Variants in CNTN5 observed in about 807,000 individuals in gnomAD.
CNTN5 encodes contactin 5, also known as contactin-5.
CNTN5 carries 77 observed loss-of-function variants against 129.1 expected under a neutral mutation model. The observed-to-expected ratio is 0.60, with a 90% CI of 0.50 to 0.72. The LOEUF is 0.72. Among genes scored for constraint, CNTN5 ranks in the 30% least tolerant of loss-of-function variants. The probability of loss-of-function intolerance (pLI) is 0.00; values close to 1 mark genes in which losing one functional copy is unlikely to be tolerated. For missense variants in CNTN5, 1,478 were observed against 1,328.8 expected (o/e 1.11, Z -1.75); for synonymous variants, 509 against 465.6 (o/e 1.09, Z -1.20).
chr11:99,876,495 A>G (rs1948636555), intron 6 of CNTN5, among the ~76,000 whole-genome samples: 1 of 152,086 alleles, frequency 6.6e-6, no homozygotes, highest in Admixed American at 6.5e-5. Flanking sequence ...CAGCCGCACT[A>G]TATGTACCTG....
chr11:99,750,740 T>C (rs1283487330), intron 3 of CNTN5, among the ~76,000 whole-genome samples: 4 of 152,320 alleles, frequency 2.6e-5, no homozygotes, highest in South Asian at 2.1e-4. Flanking sequence ...TTTATACTTA[T>C]CACACGAACA....
At chr11:99,249,611 AG>A (rs1268307686) in intron 1 of CNTN5, among the ~76,000 whole-genome samples, 2 of 152,066 alleles carry the variant, frequency 1.3e-5, no homozygotes, top group African/African-American at 2.4e-5. Flanking sequence ...GTTTTTAAAA[AG>A]GGTATGTTAT....
intron 1 of CNTN5, among the ~76,000 whole-genome samples, chr11:99,260,961 G>A (rs1183554885): frequency 6.6e-6 from 1 of 151,836 alleles, no homozygotes; most frequent in African/African-American, 2.4e-5. Flanking sequence ...GTATTGCATA[G>A]CTACTTGGAG....
At chr11:100,141,780 C>T (rs1005579796) in intron 13 of CNTN5, among the ~76,000 whole-genome samples, 3 of 151,992 alleles carry the variant, frequency 2.0e-5, no homozygotes, top group African/African-American at 7.3e-5. Context: ...TTATGGTAAG[C>T]TGAAAATTCT....
At chr11:99,368,370 G>T (rs1470930029) in intron 2 of CNTN5, among the ~76,000 whole-genome samples, 1 of 151,894 alleles carries the variant, frequency 6.6e-6, no homozygotes, top group Non-Finnish European at 1.5e-5. Flanking sequence ...GTCCCGGTGT[G>T]GTGGTGCTCA....
Position 99,634,787 on chromosome 11 carries a change from C to T in CNTN5, c.55+78518C>T, listed in dbSNP as rs557808578. 3.9e-5 allele frequency among the ~76,000 whole-genome samples: 6 copies of T among 152,218 alleles called. No homozygotes were observed. In the East Asian group the frequency reaches 5.8e-4, roughly 15 times the overall value. On this transcript the variant is annotated intron_variant, in intron 3 of 24. Transcript: ENST00000524871. ...TTCCACAGTCAGTATTGGGCAAGAA[C>T]GGAGATGGATTGGAACAGAAGTAGG...
chr11:99,930,796 AAC>A lies in CNTN5; in HGVS notation c.673+14669_673+14670del, dbSNP rs59103010. Among the ~76,000 whole-genome samples, 1,144 of 149,550 alleles carry A rather than the reference AAC, an allele frequency of 7.6e-3. 27 individuals are homozygous for A. Among genetic ancestry groups the A allele is most frequent in the African/African-American group, 0.027 (1,105 of 40,596 alleles). ...AGATAAAAATAAACACATACACACAAACACACACACACACACACACACATTTT... is the reference window on the plus strand; with the variant it reads ...AGATAAAAATAAACACATACACACAAACACACACACACACACACACATTTT... On this transcript the variant is annotated intron_variant, in intron 7 of 24. Coordinates refer to ENST00000524871, the MANE Select transcript of CNTN5 (RefSeq NM_014361.4).
intron 3 of CNTN5, among the ~76,000 whole-genome samples, chr11:99,725,183 T>A (rs1021159977): frequency 6.6e-6 from 1 of 152,186 alleles, no homozygotes; most frequent in Non-Finnish European, 1.5e-5. Context: ...GAAACAGTTA[T>A]CATCCTCCCT....
intron 3 of CNTN5, among the ~76,000 whole-genome samples, chr11:99,690,527 T>C (rs565748627): frequency 6.6e-6 from 1 of 152,308 alleles, no homozygotes; most frequent in African/African-American, 2.4e-5. Flanking sequence ...GGCAGTTTAA[T>C]GAGAATAGCA....
At chr11:100,070,249 T>G (rs937556253) in intron 10 of CNTN5, among the ~76,000 whole-genome samples, 175 bp from the exon 11 acceptor site, 22 of 152,214 alleles carry the variant, frequency 1.4e-4, no homozygotes, top group Middle Eastern at 3.4e-3. Flanking sequence ...TGCTATTTTT[T>G]GGGGGTACAG....
chr11:100,172,264 T>TG (rs927497373), intron 13 of CNTN5, among the ~76,000 whole-genome samples: 4 of 149,188 alleles, frequency 2.7e-5, no homozygotes, highest in African/African-American at 9.7e-5. Flanking sequence ...TGAACCTTCA[T>TG]GGGGAAAAAA....
At chr11:100,248,057 C>G (rs947758270) in intron 16 of CNTN5, among the ~76,000 whole-genome samples, 4 of 152,116 alleles carry the variant, frequency 2.6e-5, no homozygotes, top group Non-Finnish European at 5.9e-5. Context: ...TCCCTTTTCT[C>G]CAGAGCATAT....
chr11:99,860,024 A>G (rs1247868516), intron 6 of CNTN5, among the ~76,000 whole-genome samples: 2 of 152,144 alleles, frequency 1.3e-5, no homozygotes, highest in Non-Finnish European at 2.9e-5. Context: ...TTGATATTTT[A>G]GTAATAGCCA....
chr11:100,109,363 T>C (rs1591261792), intron 13 of CNTN5, among the ~76,000 whole-genome samples: 1 of 151,956 alleles, frequency 6.6e-6, no homozygotes, highest in South Asian at 2.1e-4. Flanking sequence ...GAGGCGGAGG[T>C]TGCAGTAAGC....
intron 2 of CNTN5, among the ~76,000 whole-genome samples, chr11:99,540,513 C>T (rs1258707131): frequency 1.3e-5 from 2 of 151,932 alleles, no homozygotes; most frequent in African/African-American, 4.8e-5. Context: ...TAGATGTGGC[C>T]TGGGATACAA....
At chr11:99,186,193 T>C (rs953048469) in intron 1 of CNTN5, among the ~76,000 whole-genome samples, 3 of 151,936 alleles carry the variant, frequency 2.0e-5, no homozygotes, top group African/African-American at 7.2e-5. Flanking sequence ...TAGATTTTTC[T>C]CTGATTTTAT....
At chr11:100,332,483 A>G (rs1315693557) in intron 21 of CNTN5, among the ~76,000 whole-genome samples, 1 of 152,110 alleles carries the variant, frequency 6.6e-6, no homozygotes, top group Non-Finnish European at 1.5e-5. Context: ...TAAATCCTTC[A>G]ATGAAGCCAG....
chr11:99,153,762 CTCTA>C (rs1325833071), intron 1 of CNTN5, among the ~76,000 whole-genome samples: 1 of 149,530 alleles, frequency 6.7e-6, no homozygotes, highest in Non-Finnish European at 1.5e-5. Context: ...GTTCTTACTC[CTCTA>C]TGTGGCCTGA....
intron 1 of CNTN5, among the ~76,000 whole-genome samples, chr11:99,269,883 C>T (rs1863093875): frequency 6.6e-6 from 1 of 151,728 alleles, no homozygotes; most frequent in African/African-American, 2.4e-5. Flanking sequence ...ATAATTGATA[C>T]TATGTTATTC....
Sources: gnomAD v4.1 joint callset for allele counts (sites outside exome capture counted in the v4.1 genomes callset) on GRCh38, gnomAD v4.1.1 for gene constraint, MANE v1.5 for transcripts, NCBI Gene and HGNC (gene_info 2026-07-23, HGNC 2026-07-21) for gene names.